Variants in PCLO observed in about 807,000 individuals in gnomAD.
PCLO encodes protein piccolo.
In PCLO, 82 loss-of-function variants were observed where a neutral mutation model predicts 427.5. The observed-to-expected ratio is 0.19, with a 90% CI of 0.16 to 0.23. The LOEUF is 0.23. Among genes scored for constraint, PCLO ranks in the 10% least tolerant of loss-of-function variants. The pLI, the probability that PCLO is intolerant of heterozygous loss-of-function variation, is 1.00. For missense variants in PCLO, 6,239 were observed against 6,115.9 expected, an observed-to-expected ratio of 1.02 and a Z score of -0.67; for synonymous variants, 2,357 against 2,155.4, an observed-to-expected ratio of 1.09 and a Z score of -2.59.
At chr7:82,835,724 G>A (rs763078652) in intron 15 of PCLO, 31 bp from the exon 16 acceptor site, 3 of 1,581,388 alleles carry the variant, frequency 1.9e-6, no homozygotes, top group South Asian at 1.1e-5. Context: ...AGAGTGAAGG[G>A]GTAAAACAGG....
At position 82,954,384 on chromosome 7, in the gene PCLO, G is replaced by A. The variant is rs199688210; in HGVS notation, c.6569C>T (p.Ser2190Leu). The A allele has an allele frequency of 2.7e-5, 43 of 1,613,884 alleles. No individual in the cohort carries two copies. The highest frequency in any genetic ancestry group is 2.8e-5 in the Non-Finnish European group (33 of 1,179,832). ...DTPSLTSSVS[S>L]VCTTDSSSPI... ...TGAAGAGCTATCTGTGGTACAGACCGAAGAAACAGATGATGTGAGAGAAGG... is the reference window on the plus strand; with the variant it reads ...TGAAGAGCTATCTGTGGTACAGACCAAAGAAACAGATGATGTGAGAGAAGG... Residue 2190 changes from serine to leucine, a missense_variant, in exon 5 of 25, where the codon TCG (serine) becomes TTG (leucine). This residue lies in a region of PCLO where 4,677 missense variants were observed against 4,468.4 expected (regional missense o/e 1.05). Coordinates refer to ENST00000333891, the MANE Select transcript of PCLO (RefSeq NM_033026.6).
chr7:82,796,234 C>T (rs1201318749), intron 22 of PCLO, among the ~76,000 whole-genome samples: 1 of 152,114 alleles, frequency 6.6e-6, no homozygotes, highest in East Asian at 1.9e-4. Flanking sequence ...GCAGTAAATG[C>T]CATTAATTTT....
In PCLO at chr7:83,067,634, C is replaced by G. The variant is rs184405180; in HGVS notation, c.3300+66616G>C. On this transcript the variant is annotated intron_variant, in intron 3 of 24. Transcript: ENST00000333891. Reference sequence around the variant, plus strand: ...TACTGTCATGCCAACTGGCCTGGCTCCCACAGTTCTTCTCTGTTCAGCCAC... The same window carrying G: ...TACTGTCATGCCAACTGGCCTGGCTGCCACAGTTCTTCTCTGTTCAGCCAC... 1.8e-4 allele frequency among the ~76,000 whole-genome samples: 27 copies of G among 152,292 alleles called. 1 individual carries two copies. In the East Asian group the frequency reaches 5.2e-3, roughly 29 times the overall value.
At chr7:82,866,201 T>G (rs1793088327) in intron 10 of PCLO, among the ~76,000 whole-genome samples, 1 of 152,120 alleles carries the variant, frequency 6.6e-6, no homozygotes, top group African/African-American at 2.4e-5. Context: ...CTTTACTGAA[T>G]TTTTGCCTAC....
intron 9 of PCLO, among the ~76,000 whole-genome samples, chr7:82,891,590 C>A (rs1004453750): frequency 6.6e-6 from 1 of 152,078 alleles, no homozygotes; most frequent in Non-Finnish European, 1.5e-5. Context: ...GGAGTGGTGA[C>A]AGAGGGCATC....
intron 6 of PCLO, among the ~76,000 whole-genome samples, chr7:82,925,161 G>A (rs1307303956): frequency 1.3e-5 from 2 of 151,962 alleles, no homozygotes; most frequent in Admixed American, 6.6e-5. Context: ...CTCTGCTCCT[G>A]GCCATTCATT....
In PCLO at chr7:83,013,319, GTACAC is replaced by G. The variant is rs1408292452; in HGVS notation, c.3301-46837_3301-46833del. 8.0e-4 allele frequency among the ~76,000 whole-genome samples: 121 copies of G among 152,096 alleles called. 1 individual carries two copies. Among genetic ancestry groups the G allele is most frequent in the Non-Finnish European group, 8.8e-5 (6 of 68,014 alleles). ...AGAATTTAACAGGAAATTCTCCTTG[GTACAC>G]TGCACTGCATTATTACATGATACCT... On this transcript the variant is annotated intron_variant, in intron 3 of 24. Coordinates refer to ENST00000333891, the MANE Select transcript of PCLO (RefSeq NM_033026.6).
chr7:82,956,018 G>A lies in PCLO; in HGVS notation c.4935C>T (p.Tyr1645=). 1.2e-6 allele frequency: 2 copies of A among 1,613,200 alleles called. No individual in the cohort carries two copies. The highest frequency in any genetic ancestry group is 1.7e-6 in the Non-Finnish European group (2 of 1,179,850). The change falls in exon 5 of 25, where the codon TAC becomes TAT. Residue 1645 remains tyrosine (Y), a synonymous_variant. Coordinates refer to ENST00000333891, the MANE Select transcript of PCLO (RefSeq NM_033026.6). Reference sequence around the variant, plus strand: ...CACTTTCCTGACTTTTAGTTTCTCTGTATTTAAGTTCAGGACTTTCATCAA... The same window carrying A: ...CACTTTCCTGACTTTTAGTTTCTCTATATTTAAGTTCAGGACTTTCATCAA... The part of the protein sequence containing the change: ...EAFDESPELK[Y]RETKSQESEE...
chr7:82,872,490 T>C (rs895942932), intron 10 of PCLO, among the ~76,000 whole-genome samples: 1 of 151,926 alleles, frequency 6.6e-6, no homozygotes, highest in African/African-American at 2.4e-5. Flanking sequence ...AATTTGACCC[T>C]GACAAATGTA....
At chr7:82,776,650 C>T (rs528541995) in intron 22 of PCLO, among the ~76,000 whole-genome samples, 2 of 152,214 alleles carry the variant, frequency 1.3e-5, no homozygotes, top group South Asian at 4.1e-4. Context: ...CAAAAATTAG[C>T]TGGCTGTGAT....
intron 3 of PCLO, among the ~76,000 whole-genome samples, chr7:83,114,653 A>G (rs1212483172): frequency 1.3e-5 from 2 of 152,020 alleles, no homozygotes; most frequent in African/African-American, 2.4e-5. Flanking sequence ...TTGGGGAAAA[A>G]ACTATCCTAG....
intron 10 of PCLO, among the ~76,000 whole-genome samples, chr7:82,855,633 G>T (rs1792783301): frequency 6.6e-6 from 1 of 152,030 alleles, no homozygotes. Flanking sequence ...AGTTGCTGTG[G>T]GATATATCAC....
intron 10 of PCLO, among the ~76,000 whole-genome samples, chr7:82,848,183 A>G (rs531837590): frequency 6.6e-6 from 1 of 151,980 alleles, no homozygotes; most frequent in East Asian, 1.9e-4. Context: ...ACATGCAGCT[A>G]TGTGAACTGG....
intron 6 of PCLO, among the ~76,000 whole-genome samples, chr7:82,942,998 C>T (rs1795120195): frequency 6.6e-5 from 10 of 151,878 alleles, no homozygotes; most frequent in Non-Finnish European, 1.5e-5. Flanking sequence ...TATTATTATT[C>T]AAATCACATT....
At chr7:82,779,495 G>C (rs13228588) in intron 22 of PCLO, among the ~76,000 whole-genome samples, 56,445 of 151,846 alleles carry the variant, frequency 0.37, 13,012 homozygotes, top group East Asian at 0.71. Flanking sequence ...TGGTGATTTG[G>C]AATTAATCAT....
At chr7:82,790,183 T>A (rs1271413851) in intron 22 of PCLO, among the ~76,000 whole-genome samples, 1 of 152,128 alleles carries the variant, frequency 6.6e-6, no homozygotes, top group Non-Finnish European at 1.5e-5. Context: ...TCAGATAAGA[T>A]CCTCTCTAAC....
In PCLO at chr7:83,038,065, T is replaced by TTTATATATATATCTTTATATA. The variant is rs1349804565; in HGVS notation, c.3301-71579_3301-71578insTATATAAAGATATATATATAA. On this transcript the variant is annotated intron_variant, in intron 3 of 24. Transcript: ENST00000333891. ...TATATATATATCTTTATATATATATTTATATATTTATATATATATCTTTAT... is the reference window on the plus strand; with the variant it reads ...TATATATATATCTTTATATATATATTTTATATATATATCTTTATATATATATATTTATATATATATCTTTAT... Among the ~76,000 whole-genome samples, 41 of 31,542 alleles carry TTTATATATATATCTTTATATA rather than the reference T, an allele frequency of 1.3e-3. 3 individuals carry two copies. Among genetic ancestry groups the TTTATATATATATCTTTATATA allele is most frequent in the African/African-American group, 5.5e-3 (38 of 6,958 alleles). 20.7% of individuals were successfully genotyped at this position (31,542 alleles called of 152,430 possible).
chr7:83,011,926 A>G (rs911269023), intron 3 of PCLO, among the ~76,000 whole-genome samples: 1 of 152,234 alleles, frequency 6.6e-6, no homozygotes, highest in African/African-American at 2.4e-5. Flanking sequence ...CTAGGCACTG[A>G]GAATCAGAGA....
At chr7:83,146,501 A>C (rs578007785) in intron 2 of PCLO, among the ~76,000 whole-genome samples, 1 of 152,352 alleles carries the variant, frequency 6.6e-6, no homozygotes, top group African/African-American at 2.4e-5. Context: ...AAGATGTGAA[A>C]TAGGGGAAAC....
Sources: gnomAD v4.1 joint callset for allele counts (sites outside exome capture counted in the v4.1 genomes callset) on GRCh38, gnomAD v4.1.1 for gene constraint, gnomAD v4.1.1 regional missense constraint, MANE v1.5 for transcripts, NCBI Gene and HGNC (gene_info 2026-07-23, HGNC 2026-07-21) for gene names.